PTPRK: variants seen among roughly 807,000 people sequenced by gnomAD.
The protein encoded by PTPRK is protein tyrosine phosphatase receptor type K, also known as receptor-type tyrosine-protein phosphatase kappa.
Under a neutral mutation model 178.0 loss-of-function variants are expected in PTPRK, and 75 were observed. That is an observed-to-expected ratio of 0.42 (90% CI 0.35 to 0.51). The LOEUF is 0.51. Ranked by LOEUF, PTPRK falls within the 20% of genes least tolerant of loss-of-function variation. PTPRK has a pLI of 0.02. For synonymous variants in PTPRK, 637 were observed against 620.6 expected, an observed-to-expected ratio of 1.03 and a Z score of -0.39; for missense variants, 1,441 against 1,797.8, an observed-to-expected ratio of 0.80 and a Z score of 3.59.
chr6:128,032,905 G>C (rs1359289208), intron 13 of PTPRK, among the ~76,000 whole-genome samples: 1 of 152,034 alleles, frequency 6.6e-6, no homozygotes, highest in Non-Finnish European at 1.5e-5. Context: ...CCTGACCCCA[G>C]ATCTTATTTT....
Position 128,135,856 on chromosome 6 carries a change from A to T in PTPRK, c.1163-45864T>A, listed in dbSNP as rs1022689893. Among the ~76,000 whole-genome samples the T allele has an allele frequency of 4.7e-5, 7 of 148,034 alleles. 1 individual carries two copies. In the South Asian group the frequency reaches 6.3e-4, roughly 13 times the overall value. On this transcript the variant is annotated intron_variant, in intron 7 of 29. Transcript: ENST00000368226. ...AAAAAAAAATAAAAATAAAAATAAT[A>T]AAAAAAAACAAGAAAAGAATAGCAT...
intron 1 of PTPRK, among the ~76,000 whole-genome samples, chr6:128,437,885 G>GTTA (rs1174391322): frequency 3.9e-5 from 6 of 152,172 alleles, no homozygotes; most frequent in Admixed American, 2.6e-4. Context: ...GAAGGGCAGG[G>GTTA]TTAACAGGAC....
rs548706298 is a variant in PTPRK, at chr6:128,481,357, A to T, written c.100+38902T>A. 1.7e-4 allele frequency among the ~76,000 whole-genome samples: 26 copies of T among 152,282 alleles called. No individual in the cohort carries two copies. The South Asian group carries it at 5.2e-3, about 30-fold the overall frequency. On this transcript the variant is annotated intron_variant, in intron 1 of 29. Transcript: ENST00000368226. ...TTTTTTCATATTTGCAATTTTGCAT[A>T]CCAAATGCTCTGCATTTTAGTTGCT... is the stretch of plus-strand genomic sequence containing the variant.
chr6:128,208,960 A>G (rs1807543008), intron 6 of PTPRK, among the ~76,000 whole-genome samples: 1 of 152,086 alleles, frequency 6.6e-6, no homozygotes, highest in Non-Finnish European at 1.5e-5. Flanking sequence ...CATTTTATCC[A>G]ATATCCCAAA....
chr6:128,120,774 A>T (rs1792330318), intron 7 of PTPRK, among the ~76,000 whole-genome samples: 1 of 151,932 alleles, frequency 6.6e-6, no homozygotes, highest in Non-Finnish European at 1.5e-5. Flanking sequence ...TTCAACATGT[A>T]CTTAATTTCA....
At chr6:128,310,993 A>G (rs1827158387) in intron 3 of PTPRK, among the ~76,000 whole-genome samples, 1 of 152,176 alleles carries the variant, frequency 6.6e-6, no homozygotes, top group Admixed American at 6.6e-5. Context: ...AGCTTTTATT[A>G]TAAGGGAAAG....
intron 7 of PTPRK, among the ~76,000 whole-genome samples, chr6:128,120,313 A>G (rs1359871240): frequency 6.6e-6 from 1 of 151,968 alleles, no homozygotes; most frequent in East Asian, 1.9e-4. Context: ...TCTATGTAGG[A>G]CAGCTTTCTT....
intron 10 of PTPRK, among the ~76,000 whole-genome samples, chr6:128,081,814 TCTGA>T (rs990347505): frequency 3.4e-4 from 52 of 152,196 alleles, no homozygotes; most frequent in African/African-American, 1.3e-3. Context: ...TAACTGATGA[TCTGA>T]CTGAAGGAGA....
chr6:128,288,960 A>C (rs1424188662), intron 3 of PTPRK, among the ~76,000 whole-genome samples: 3 of 151,910 alleles, frequency 2.0e-5, no homozygotes, highest in African/African-American at 7.3e-5. Flanking sequence ...GCTTTCTTCC[A>C]TTTTCCATCT....
intron 1 of PTPRK, among the ~76,000 whole-genome samples, chr6:128,440,593 A>G (rs1211719992): frequency 6.6e-6 from 1 of 152,132 alleles, no homozygotes. Flanking sequence ...ATTTCTATGT[A>G]TATCTGTATG....
intron 3 of PTPRK, among the ~76,000 whole-genome samples, chr6:128,258,340 T>G (rs1489768231): frequency 6.6e-6 from 1 of 152,160 alleles, no homozygotes; most frequent in African/African-American, 2.4e-5. Context: ...ATATGTTACA[T>G]AAAACTGATA....
chr6:128,431,263 G>T (rs1293607145), intron 1 of PTPRK, among the ~76,000 whole-genome samples: 1 of 152,072 alleles, frequency 6.6e-6, no homozygotes, highest in Non-Finnish European at 1.5e-5. Flanking sequence ...TTGTGCAAAT[G>T]TGTGGACTTT....
At chr6:127,999,850 T>C (rs966605813) in intron 15 of PTPRK, 4 of 569,592 alleles carry the variant, frequency 7.0e-6, no homozygotes, top group South Asian at 7.7e-5. Context: ...AATGAATGAA[T>C]TAAAAAGTCA....
At chr6:128,085,945 C>T (rs947627515) in intron 8 of PTPRK, among the ~76,000 whole-genome samples, 2 of 152,190 alleles carry the variant, frequency 1.3e-5, no homozygotes, top group Non-Finnish European at 2.9e-5. Context: ...TAACTTTCTA[C>T]ATTTGAAGGA....
At chr6:128,156,718 G>A (rs1005106455) in intron 7 of PTPRK, among the ~76,000 whole-genome samples, 9 of 151,792 alleles carry the variant, frequency 5.9e-5, no homozygotes, top group Non-Finnish European at 7.4e-5. Flanking sequence ...ATATACAATC[G>A]TTATTTAAGA....
At chr6:128,335,165 G>A (rs1052337648) in intron 2 of PTPRK, among the ~76,000 whole-genome samples, 8 of 152,216 alleles carry the variant, frequency 5.3e-5, no homozygotes, top group African/African-American at 1.2e-4. Flanking sequence ...TAACAGCCAC[G>A]TTCTGTCACT....
intron 2 of PTPRK, among the ~76,000 whole-genome samples, chr6:128,372,024 G>A (rs1333091846): frequency 6.6e-6 from 1 of 152,100 alleles, no homozygotes; most frequent in Non-Finnish European, 1.5e-5. Context: ...GGACCTCCGA[G>A]GCACACAACT....
chr6:128,416,364 G>A (rs970013052), intron 1 of PTPRK, among the ~76,000 whole-genome samples: 4 of 151,570 alleles, frequency 2.6e-5, no homozygotes, highest in African/African-American at 7.3e-5. Context: ...AGAGGTGGCC[G>A]GGCACGGTGG....
At chr6:128,506,351 C>A (rs1209233944) in intron 1 of PTPRK, among the ~76,000 whole-genome samples, 1 of 152,080 alleles carries the variant, frequency 6.6e-6, no homozygotes, top group Non-Finnish European at 1.5e-5. Context: ...ATTTTATCAT[C>A]TGAGATTAAA....
Sources: gnomAD v4.1 joint callset for allele counts (sites outside exome capture counted in the v4.1 genomes callset) on GRCh38, gnomAD v4.1.1 for gene constraint, MANE v1.5 for transcripts, NCBI Gene and HGNC (gene_info 2026-07-23, HGNC 2026-07-21) for gene names.